The following VPS51 variants were observed in gnomAD, a reference collection of about 807,000 sequenced individuals.
The protein encoded by VPS51 is VPS51 subunit of GARP complex.
In VPS51, 55 loss-of-function variants were observed where a neutral mutation model predicts 65.1. The observed-to-expected ratio is 0.84, with a 90% CI of 0.68 to 1.06. VPS51 has a LOEUF of 1.06. Ranked by LOEUF, VPS51 falls within the 50% of genes least tolerant of loss-of-function variation. The pLI is 0.00. For missense variants in VPS51, 943 were observed against 1,101.6 expected (o/e 0.86, Z 2.04); for synonymous variants, 473 against 489.5 (o/e 0.97, Z 0.44).
intron 8 of VPS51, 33 bp from the exon 9 acceptor site, chr11:65,110,661 G>A (rs1194632315): frequency 1.2e-6 from 2 of 1,614,038 alleles, no homozygotes; most frequent in East Asian, 4.5e-5. Flanking sequence ...AGGGTGCAGG[G>A]CGGGCTCTGA....
In VPS51 at chr11:65,097,499, G is replaced by A. The variant is rs568871700; in HGVS notation, c.358+372G>A. ...GATCCTACCAAAGCACTGGGATTAC[G>A]GGTGTGAGTCCCTGGCCCAGCCCAA... On this transcript the variant is annotated intron_variant, in intron 2 of 9. Transcript: ENST00000279281. Among the ~76,000 whole-genome samples the A allele has an allele frequency of 3.3e-5, 5 of 152,166 alleles. No homozygotes were observed. The South Asian group carries it at 8.3e-4, about 25-fold the overall frequency.
Position 65,107,502 on chromosome 11 carries a change from G to A in VPS51, c.359-79G>A, listed in dbSNP as rs1947850061. 2 of 1,515,060 alleles carry A rather than the reference G, an allele frequency of 1.3e-6. No homozygotes were observed. Among genetic ancestry groups the A allele is most frequent in the Non-Finnish European group, 1.8e-6 (2 of 1,124,528 alleles). 93.9% of individuals were successfully genotyped at this position (1,515,060 alleles called of 1,614,324 possible). On this transcript the variant is annotated intron_variant, in intron 2 of 9. Transcript: ENST00000279281. The surrounding 1 kb of genome is among the most constrained non-coding windows in gnomAD (Gnocchi z 4.0). ...GGAGCAAGCTGGGGCGTCTGTGAAGGGGTGGGTGAGAAGGAGCTGAGGTTG... is the reference window on the plus strand; with the variant it reads ...GGAGCAAGCTGGGGCGTCTGTGAAGAGGTGGGTGAGAAGGAGCTGAGGTTG...
At position 65,108,435 on chromosome 11, in the gene VPS51, T is replaced by TACCAGGAGCTGTTTGCGGCCC; in HGVS notation, c.966_986dup (p.Ala328_Gln329insHisGlnGluLeuPheAlaAla). ...CGGCCTCTGCCAGGTGGCGGCGGCC[T>TACCAGGAGCTGTTTGCGGCCC]ACCAGGAGCTGTTTGCGGCCCAGGG... On this transcript the variant is annotated inframe_insertion, in exon 5 of 10. Transcript: ENST00000279281. 2.5e-6 allele frequency: 4 copies of TACCAGGAGCTGTTTGCGGCCC among 1,611,684 alleles called. No individual in the cohort carries two copies. Among genetic ancestry groups the TACCAGGAGCTGTTTGCGGCCC allele is most frequent in the Admixed American group, 1.7e-5 (1 of 59,990 alleles).
In VPS51 at chr11:65,107,219, G is replaced by T. The variant is rs1340776040; in HGVS notation, c.359-362G>T. 1 of 496,054 alleles carries T rather than the reference G, an allele frequency of 2.0e-6. No individual in the cohort carries two copies. Among genetic ancestry groups the T allele is most frequent in the Non-Finnish European group, 3.9e-6 (1 of 254,070 alleles). 30.7% of individuals were successfully genotyped at this position (496,054 alleles called of 1,614,324 possible). ...GCTGGACACGCAGATGCGCTTGGGA[G>T]CCAGCGGTCCCTGCCTTGGCTGCTT... On this transcript the variant is annotated intron_variant, in intron 2 of 9. Transcript: ENST00000279281. This position sits in a 1 kb window ranked among gnomAD's most constrained non-coding sequence, Gnocchi z 4.0.
intron 2 of VPS51, among the ~76,000 whole-genome samples, chr11:65,099,663 A>G (rs921189964): frequency 5.3e-5 from 8 of 151,944 alleles, no homozygotes; most frequent in Non-Finnish European, 1.2e-4. Context: ...GGTGGCACAC[A>G]CTTGTTAGAA....
rs984896336 is a variant in VPS51 at position 65,111,694 on chromosome 11, A to G, written c.*107A>G. ...AGGTGTCAGGACCGGCCTAATAAAC[A>G]TGTGTGGCCTCCTCCTCTCGCTTGC... On this transcript the variant is annotated 3_prime_UTR_variant, in exon 10 of 10. Transcript: ENST00000279281. The G allele has an allele frequency of 5.0e-6, 7 of 1,409,546 alleles. No individual in the cohort carries two copies. Among genetic ancestry groups the G allele is most frequent in the Admixed American group, 5.3e-5 (2 of 37,658 alleles). 87.3% of individuals were successfully genotyped at this position (1,409,546 alleles called of 1,614,324 possible). A position where few individuals can be genotyped will look rare whatever the true frequency, so the allele number is the denominator to read the frequency against.
chr11:65,111,551 G>T lies in VPS51; in HGVS notation c.2313G>T (p.Glu771Asp). The T allele has an allele frequency of 6.2e-7, 1 of 1,611,480 alleles. No homozygotes were observed. Residue 771 changes from glutamate to aspartate, a missense_variant, in exon 10 of 10, where the codon GAG becomes GAT. This residue lies in a region of VPS51 where 88 missense variants were observed against 147.8 expected (regional missense o/e 0.60). Transcript: ENST00000279281. The part of the protein sequence containing the change: ...ALRCPDPVPM[E>D]PSVVEVICER... ...GCTGCCCAGACCCTGTGCCCATGGA[G>T]CCCAGTGTGGTTGAGGTCATCTGCG... is the stretch of plus-strand genomic sequence containing the variant.
chr11:65,108,204 G>A lies in VPS51; in HGVS notation c.733G>A (p.Gly245Ser), dbSNP rs1011445952. The stretch of plus-strand genomic sequence containing the variant: ...TACCTCTCCCTCGTGCAGGGAGGGC[G>A]GCTCAGGCGCCCCGGAGCAGGCAGA... ...QQLRQRFREGGSGAPEQAECV... is the reference protein window; with the variant it reads ...QQLRQRFREGSSGAPEQAECV... The change falls in exon 5 of 10, where the codon GGC (glycine) becomes AGC (serine). Residue 245 changes from glycine (G) to serine (S), a missense_variant. Coordinates refer to ENST00000279281, the MANE Select transcript of VPS51 (RefSeq NM_013265.4). 6.2e-7 allele frequency: 1 copy of A among 1,600,582 alleles called. No individual in the cohort carries two copies. Among genetic ancestry groups the A allele is most frequent in the East Asian group, 2.2e-5 (1 of 44,502 alleles).
At chr11:65,096,689 T>A in intron 1 of VPS51, 1 of 622,958 alleles carries the variant, frequency 1.6e-6, no homozygotes, top group Non-Finnish European at 2.8e-6. Flanking sequence ...TGATGCGGCA[T>A]CTGAGGTCTT....
chr11:65,110,063 G>C, intron 7 of VPS51, 140 bp downstream of exon 7: 1 of 962,888 alleles, frequency 1.0e-6, no homozygotes. Flanking sequence ...CACGGGGCCA[G>C]TTCTGTAGCC....
intron 2 of VPS51, among the ~76,000 whole-genome samples, chr11:65,100,926 A>G (rs1405671167): frequency 6.6e-6 from 1 of 152,174 alleles, no homozygotes; most frequent in African/African-American, 2.4e-5. Flanking sequence ...ACAAATATCC[A>G]CACAGTGGAA....
At chr11:65,106,404 A>C (rs1947841815) in intron 2 of VPS51, among the ~76,000 whole-genome samples, 1 of 152,238 alleles carries the variant, frequency 6.6e-6, no homozygotes, top group African/African-American at 2.4e-5. Context: ...CATCTTCTTC[A>C]CAAGGCAGCA....
Position 65,111,437 on chromosome 11 carries a change from C to T in VPS51, c.2199C>T (p.His733=), listed in dbSNP as rs1344444017. ...FGLQQVQVDC[H]FLQLYLWRFV... ...TGCAGCAGGTGCAAGTGGACTGCCACTTTCTGCAGCTCTACCTGTGGCGTT... is the reference window on the plus strand; with the variant it reads ...TGCAGCAGGTGCAAGTGGACTGCCATTTTCTGCAGCTCTACCTGTGGCGTT... The change falls in exon 10 of 10, where the codon CAC becomes CAT. Residue 733 remains histidine (H), a synonymous_variant. Transcript: ENST00000279281. 2 of 1,613,898 alleles carry T rather than the reference C, an allele frequency of 1.2e-6. No homozygotes were observed. The highest frequency in any genetic ancestry group is 1.1e-5 in the South Asian group (1 of 91,092).
chr11:65,108,713 C>G lies in VPS51; in HGVS notation c.1242C>G (p.Leu414=), dbSNP rs760851629. Residue 414 remains leucine, a synonymous_variant, in exon 5 of 10, where the codon CTC becomes CTG. Coordinates refer to ENST00000279281, the MANE Select transcript of VPS51 (RefSeq NM_013265.4). ...RERLGHHLQG[L]RAAFLGCLTD... is the part of the protein sequence containing the mutation. The stretch of plus-strand genomic sequence containing the variant: ...GCCTGGGCCACCACCTGCAGGGTCT[C>G]CGGGCGGCCTTCCTGGGCTGCCTGA... 2 of 1,606,814 alleles carry G rather than the reference C, an allele frequency of 1.2e-6. No individual in the cohort carries two copies. Among genetic ancestry groups the G allele is most frequent in the African/African-American group, 2.7e-5 (2 of 74,816 alleles).
chr11:65,111,035 C>T, intron 9 of VPS51: 1 of 674,174 alleles, frequency 1.5e-6, no homozygotes, highest in Admixed American at 2.3e-5. Flanking sequence ...TTGCCCTTGT[C>T]CTTATCCCCA....
rs772020457 is a variant in VPS51 at position 65,110,785 on chromosome 11, C to G, written c.2088+4C>G. On this transcript the variant is annotated splice_donor_region_variant and intron_variant, in intron 9 of 9. Transcript: ENST00000279281. ...CAGCCCTGTGGAGTTCAACAAGGTCCGACTTCCAACGTGACTCAGACTTCC... is the reference window on the plus strand; with the variant it reads ...CAGCCCTGTGGAGTTCAACAAGGTCGGACTTCCAACGTGACTCAGACTTCC... The G allele has an allele frequency of 6.2e-7, 1 of 1,614,102 alleles. No homozygotes were observed. Among genetic ancestry groups the G allele is most frequent in the South Asian group, 1.1e-5 (1 of 91,088 alleles).
At chr11:65,110,163 C>T in intron 7 of VPS51, 1 of 621,806 alleles carries the variant, frequency 1.6e-6, no homozygotes. Flanking sequence ...GGTCTTGTTC[C>T]TTCTCAGCCC....
chr11:65,108,849 T>C lies in VPS51; in HGVS notation c.1378T>C (p.Ser460Pro). The change falls in exon 5 of 10, where the codon TCT becomes CCT. Residue 460 changes from serine to proline, a missense_variant. By Grantham distance (74) the Ser-to-Pro change is moderately conservative. Coordinates refer to ENST00000279281, the MANE Select transcript of VPS51 (RefSeq NM_013265.4). ...ASSILSHIKA[S>P]LAAVHLFTAK... ...CTCCATCCTGAGCCACATTAAGGCCTCTCTGGCAGCAGTGCACCTTTTCAC... is the reference window on the plus strand; with the variant it reads ...CTCCATCCTGAGCCACATTAAGGCCCCTCTGGCAGCAGTGCACCTTTTCAC... 6.2e-7 allele frequency: 1 copy of C among 1,612,998 alleles called. No homozygotes were observed. The highest frequency in any genetic ancestry group is 8.5e-7 in the Non-Finnish European group (1 of 1,180,010).
At position 65,110,897 on chromosome 11, in the gene VPS51, C is replaced by T. The variant is rs1947892840; in HGVS notation, c.2088+116C>T. 6 of 1,249,724 alleles carry T rather than the reference C, an allele frequency of 4.8e-6. No individual in the cohort carries two copies. In the South Asian group the frequency reaches 5.0e-5, roughly 10 times the overall value. The allele number at this position is 1,249,724 out of a possible 1,614,324, so 77.4% of individuals were successfully genotyped here. ...TGTGACCAACTGGGGGTGACCCTGA[C>T]CCTCCAGTCTCTGTCTCTAGGGCTG... On this transcript the variant is annotated intron_variant, in intron 9 of 9. Transcript: ENST00000279281.
Sources: allele counts gnomAD v4.1 joint callset (sites outside exome capture counted in the v4.1 genomes callset), GRCh38; gene constraint gnomAD v4.1.1; regional missense constraint gnomAD v4.1.1; non-coding constraint Gnocchi (gnomAD v3.1); transcripts MANE v1.5; gene names NCBI Gene and HGNC (gene_info 2026-07-23, HGNC 2026-07-21).